The following ATP11B variants were observed in gnomAD, a reference collection of about 807,000 sequenced individuals.
ATP11B encodes ATPase phospholipid transporting 11B (putative).
In ATP11B, 81 loss-of-function variants were observed where a neutral mutation model predicts 157.8. The observed-to-expected ratio is 0.51, with a 90% CI of 0.43 to 0.62. The LOEUF (loss-of-function observed/expected upper bound fraction) is 0.62. Ranked by LOEUF, ATP11B falls within the 20% of genes least tolerant of loss-of-function variation. ATP11B has a pLI of 0.00. For missense variants in ATP11B, 1,165 were observed against 1,402.2 expected (o/e 0.83, Z 2.70); for synonymous variants, 451 against 469.4 (o/e 0.96, Z 0.51).
chr3:182,874,693 A>C (rs1237719570), intron 19 of ATP11B, among the ~76,000 whole-genome samples: 1 of 152,234 alleles, frequency 6.6e-6, no homozygotes, highest in East Asian at 1.9e-4. Flanking sequence ...ACAGATGGAC[A>C]TTAACAGATG....
chr3:182,898,513 T>C (rs1445616502), intron 27 of ATP11B, 94 bp from the exon 28 acceptor site: 3 of 890,148 alleles, frequency 3.4e-6, no homozygotes, highest in Non-Finnish European at 4.8e-6. Flanking sequence ...TTTCTTGGAG[T>C]ACTTGTTACT....
intron 2 of ATP11B, among the ~76,000 whole-genome samples, chr3:182,823,303 A>G (rs373856891): frequency 2.0e-4 from 31 of 152,268 alleles, no homozygotes; most frequent in African/African-American, 6.7e-4. Context: ...AAGGTGTAAG[A>G]AAGGGATCCA....
At chr3:182,844,596 A>G (rs1719319279) in intron 8 of ATP11B, 2 of 976,928 alleles carry the variant, frequency 2.0e-6, no homozygotes, top group Non-Finnish European at 1.2e-6. Context: ...TATGCAATGC[A>G]AGTAGTCAAG....
chr3:182,864,546 T>C (rs1721085495), intron 12 of ATP11B, among the ~76,000 whole-genome samples: 1 of 152,158 alleles, frequency 6.6e-6, no homozygotes, highest in African/African-American at 2.4e-5. Flanking sequence ...TACCATTTTA[T>C]TAATATGATG....
At chr3:182,874,048 A>G (rs533702991) in intron 19 of ATP11B, 33 bp downstream of exon 19, 2 of 1,587,210 alleles carry the variant, frequency 1.3e-6, no homozygotes, top group South Asian at 1.1e-5. Flanking sequence ...CATACCTTTC[A>G]GGGGTTAGCA....
At chr3:182,817,530 C>T (rs1717042811) in intron 1 of ATP11B, among the ~76,000 whole-genome samples, 3 of 152,308 alleles carry the variant, frequency 2.0e-5, no homozygotes, top group East Asian at 1.9e-4. Flanking sequence ...CTGCCTGCCT[C>T]GGCCTCCCGA....
rs1470069766 is a variant in ATP11B at position 182,920,286 on chromosome 3, C to T, written c.*2182C>T. On this transcript the variant is annotated 3_prime_UTR_variant, in exon 30 of 30. Transcript: ENST00000323116. ...TTTTTTTAAAAAAAGTAAATGGCAA[C>T]CACTAGTGTGCTCATCCTGAACTGT... is the stretch of plus-strand genomic sequence containing the variant. The T allele has an allele frequency of 1.3e-5, 2 of 152,170 alleles. No individual in the cohort carries two copies. The highest frequency in any genetic ancestry group is 2.9e-5 in the Non-Finnish European group (2 of 68,038). 9.4% of individuals were successfully genotyped at this position (152,170 alleles called of 1,614,324 possible). A position where few individuals can be genotyped will look rare whatever the true frequency, so the allele number is the denominator to read the frequency against.
At chr3:182,911,061 A>T (rs1724747253) in intron 28 of ATP11B, among the ~76,000 whole-genome samples, 2 of 152,122 alleles carry the variant, frequency 1.3e-5, no homozygotes, top group South Asian at 4.1e-4. Context: ...TTATTTCTTC[A>T]TGGGCCAGTA....
chr3:182,861,572 C>A (rs540752891), intron 12 of ATP11B, among the ~76,000 whole-genome samples: 5 of 152,214 alleles, frequency 3.3e-5, no homozygotes, highest in African/African-American at 1.2e-4. Context: ...GGTTGTAATA[C>A]CAGATGTGGA....
chr3:182,825,139 C>G (rs1355228500), intron 2 of ATP11B, among the ~76,000 whole-genome samples: 7 of 152,192 alleles, frequency 4.6e-5, no homozygotes, highest in Non-Finnish European at 1.0e-4. Flanking sequence ...TTTCTCCTGT[C>G]CCTTTGCTCA....
chr3:182,858,398 A>ATT (rs1349256105), intron 11 of ATP11B, among the ~76,000 whole-genome samples: 1 of 152,226 alleles, frequency 6.6e-6, no homozygotes, highest in Non-Finnish European at 1.5e-5. Context: ...TGTCTTAATA[A>ATT]TTCAAGGATG....
intron 7 of ATP11B, among the ~76,000 whole-genome samples, chr3:182,841,869 C>T (rs1719052922): frequency 6.6e-6 from 1 of 150,632 alleles, no homozygotes; most frequent in South Asian, 2.1e-4. Flanking sequence ...GTCCCAGCTA[C>T]TCGGGAGACT....
At chr3:182,827,371 T>C (rs1479938376) in intron 2 of ATP11B, among the ~76,000 whole-genome samples, 1 of 152,114 alleles carries the variant, frequency 6.6e-6, no homozygotes, top group African/African-American at 2.4e-5. Context: ...TTAATGTTTA[T>C]AGGAACCCTA....
intron 1 of ATP11B, among the ~76,000 whole-genome samples, chr3:182,805,964 A>G (rs991148212): frequency 5.9e-5 from 9 of 152,204 alleles, no homozygotes; most frequent in African/African-American, 2.2e-4. Flanking sequence ...TTTATTTAGC[A>G]CAAGGATTTA....
At chr3:182,887,558 C>A (rs1346038785) in intron 23 of ATP11B, 28 bp from the exon 24 acceptor site, 2 of 1,594,694 alleles carry the variant, frequency 1.3e-6, no homozygotes, top group African/African-American at 1.4e-5. Flanking sequence ...TTCAGAAACT[C>A]AACATTCCTA....
In ATP11B at chr3:182,920,929, T is replaced by TAAAC. The variant is rs1021015243; in HGVS notation, c.*2827_*2830dup. ...CCAGGCCCTATCCTGAACAGGAGACTAAACAGAGGCAAATCAACCCTAGGA... is the reference window on the plus strand; with the variant it reads ...CCAGGCCCTATCCTGAACAGGAGACTAAACAAACAGAGGCAAATCAACCCTAGGA... On this transcript the variant is annotated 3_prime_UTR_variant, in exon 30 of 30. Coordinates refer to ENST00000323116, the MANE Select transcript of ATP11B (RefSeq NM_014616.3). 2 of 152,272 alleles carry TAAAC rather than the reference T, an allele frequency of 1.3e-5. No individual in the cohort carries two copies. Among genetic ancestry groups the TAAAC allele is most frequent in the African/African-American group, 2.4e-5 (1 of 41,454 alleles). The allele number at this position is 152,272 out of a possible 1,614,324, so 9.4% of individuals were successfully genotyped here. A position where few individuals can be genotyped will look rare whatever the true frequency, so the allele number is the denominator to read the frequency against.
intron 25 of ATP11B, among the ~76,000 whole-genome samples, chr3:182,890,065 A>G (rs549368794): frequency 2.4e-4 from 36 of 152,344 alleles, no homozygotes; most frequent in African/African-American, 8.2e-4. Flanking sequence ...TTCTAAATAG[A>G]TGTCATAACT....
chr3:182,866,451 AG>A lies in ATP11B; in HGVS notation c.1619+9del. On this transcript the variant is annotated intron_variant, in intron 14 of 29. Coordinates refer to ENST00000323116, the MANE Select transcript of ATP11B (RefSeq NM_014616.3). The stretch of plus-strand genomic sequence containing the variant: ...AGTAGAAGCTGCTGCAAGGTAATTT[AG>A]TCTGATTTCCAAATCTTCGGAAAAA... 1 of 1,577,292 alleles carries A rather than the reference AG, an allele frequency of 6.3e-7. No individual in the cohort carries two copies. The highest frequency in any genetic ancestry group is 8.6e-7 in the Non-Finnish European group (1 of 1,157,124).
chr3:182,866,595 A>C (rs1721252185), intron 14 of ATP11B, 152 bp downstream of exon 14: 2 of 676,156 alleles, frequency 3.0e-6, no homozygotes, highest in African/African-American at 3.7e-5. Context: ...TACAATTTAA[A>C]TTTTAAATGA....
Sources: allele counts gnomAD v4.1 joint callset (sites outside exome capture counted in the v4.1 genomes callset), GRCh38; gene constraint gnomAD v4.1.1; transcripts MANE v1.5; gene names NCBI Gene and HGNC (gene_info 2026-07-23, HGNC 2026-07-21).